The following LRRFIP2 variants were observed in gnomAD, a reference collection of about 807,000 sequenced individuals.
LRRFIP2 encodes the protein leucine-rich repeat flightless-interacting protein 2.
A neutral mutation model predicts 125.9 loss-of-function variants in LRRFIP2; 109 were observed. The ratio of observed to expected loss-of-function variants is 0.87; its 90% CI spans 0.74 to 1.01. LRRFIP2 has a LOEUF of 1.01. Among genes scored for constraint, LRRFIP2 ranks in the 50% least tolerant of loss-of-function variants. The pLI, the probability that LRRFIP2 is intolerant of heterozygous loss-of-function variation, is 0.00. For missense variants in LRRFIP2, 850 were observed against 862.3 expected, an observed-to-expected ratio of 0.99 and a Z score of 0.18; for synonymous variants, 291 against 293.1, an observed-to-expected ratio of 0.99 and a Z score of 0.07.
chr3:37,059,076 T>C (rs185145908), intron 24 of LRRFIP2, among the ~76,000 whole-genome samples, 166 bp from the exon 25 acceptor site: 1 of 152,300 alleles, frequency 6.6e-6, no homozygotes, highest in Non-Finnish European at 1.5e-5. Context: ...TCGTCCTAGG[T>C]GCTAAAGATA....
rs527305082 is a variant in LRRFIP2, at chr3:37,104,179, G to A, written c.784-1166C>T. The stretch of plus-strand genomic sequence containing the variant: ...TTAATATTTATTGGCACCTATTTGA[G>A]AATTTTGATAGGCATTTTCTATATA... On this transcript the variant is annotated intron_variant, in intron 14 of 27. Coordinates refer to ENST00000336686, the MANE Select transcript of LRRFIP2 (RefSeq NM_006309.4). Among the ~76,000 whole-genome samples, 6 of 152,188 alleles carry A rather than the reference G, an allele frequency of 3.9e-5. No homozygotes were observed. In the East Asian group the frequency reaches 9.6e-4, roughly 24 times the overall value.
intron 21 of LRRFIP2, among the ~76,000 whole-genome samples, chr3:37,070,597 G>T (rs1357337657): frequency 6.6e-6 from 1 of 151,896 alleles, no homozygotes; most frequent in Non-Finnish European, 1.5e-5. Flanking sequence ...TTAGCCGGAC[G>T]TGGTGGTGCA....
At chr3:37,172,775 C>T (rs901381144) in intron 1 of LRRFIP2, 3 of 152,178 alleles carry the variant, frequency 2.0e-5, no homozygotes, top group Non-Finnish European at 4.4e-5. Context: ...AGAAGTATAA[C>T]ACATGATCAA....
chr3:37,055,115 C>T lies in LRRFIP2; in HGVS notation c.1921G>A (p.Glu641Lys). The T allele has an allele frequency of 6.3e-7, 1 of 1,596,920 alleles. No individual in the cohort carries two copies. The highest frequency in any genetic ancestry group is 8.5e-7 in the Non-Finnish European group (1 of 1,174,260). The change falls in exon 26 of 28, where the codon GAA (glutamate) becomes AAA (lysine). Residue 641 changes from glutamate to lysine, a missense_variant. By Grantham distance (56) the Glu-to-Lys change is moderately conservative (BLOSUM62 1). Transcript: ENST00000336686. ...TGCTCCAAGGTAGTTATATCCTGTT[C>T]TGCTTTTGAAAGCTTAAATTTGTAT... ...SEYKFKLSKA[E>K]QDITTLEQSI...
chr3:37,173,474 A>G (rs1242686346), intron 1 of LRRFIP2, among the ~76,000 whole-genome samples: 1 of 152,170 alleles, frequency 6.6e-6, no homozygotes, highest in African/African-American at 2.4e-5. Flanking sequence ...AATGATGATC[A>G]CAGATTATAT....
At chr3:37,145,642 G>C (rs1039326100) in intron 2 of LRRFIP2, among the ~76,000 whole-genome samples, 3 of 152,174 alleles carry the variant, frequency 2.0e-5, no homozygotes, top group Non-Finnish European at 4.4e-5. Context: ...AACATGGCTA[G>C]TAATAATATC....
At chr3:37,059,436 T>G (rs532921418) in intron 24 of LRRFIP2, among the ~76,000 whole-genome samples, 2 of 152,320 alleles carry the variant, frequency 1.3e-5, no homozygotes, top group East Asian at 3.9e-4. Context: ...TGAGCAGTTT[T>G]TTGTTGTTTA....
rs906296343 is a variant in LRRFIP2, at chr3:37,112,958, T to C, written c.395A>G (p.His132Arg). ...SSLNHSYSHS[H>R]GMKKRSSDSH... ...ATCAGAAGACCTCTTCTTCATTCCA[T>C]GAGAGTGACTGTAAGAATGATTCTG... Residue 132 changes from histidine to arginine, a missense_variant, in exon 8 of 28, where the codon CAT (histidine) becomes CGT (arginine). Physicochemically the swap from His to Arg is conservative, Grantham distance 29. Coordinates refer to ENST00000336686, the MANE Select transcript of LRRFIP2 (RefSeq NM_006309.4). 8 of 1,581,214 alleles carry C rather than the reference T, an allele frequency of 5.1e-6. No homozygotes were observed. In the African/African-American group the frequency reaches 5.4e-5, roughly 11 times the overall value.
At chr3:37,125,173 C>G (rs2095230048) in intron 4 of LRRFIP2, among the ~76,000 whole-genome samples, 1 of 152,166 alleles carries the variant, frequency 6.6e-6, no homozygotes, top group African/African-American at 2.4e-5. Flanking sequence ...AAGAAAACCA[C>G]AGTCCCATGA....
intron 19 of LRRFIP2, among the ~76,000 whole-genome samples, chr3:37,079,734 T>G (rs543822006): frequency 6.6e-6 from 1 of 152,278 alleles, no homozygotes; most frequent in Admixed American, 6.5e-5. Context: ...AATGGAATAT[T>G]AATAGGCTAT....
intron 2 of LRRFIP2, among the ~76,000 whole-genome samples, chr3:37,138,122 G>A (rs1357497009): frequency 6.6e-6 from 1 of 152,296 alleles, no homozygotes; most frequent in African/African-American, 2.4e-5. Flanking sequence ...CCTGAAACAA[G>A]GAACAAGTGA....
chr3:37,080,130 T>C (rs1423425873), intron 19 of LRRFIP2, among the ~76,000 whole-genome samples: 1 of 152,192 alleles, frequency 6.6e-6, no homozygotes, highest in Admixed American at 6.5e-5. Flanking sequence ...CCAGGCGCAG[T>C]GGCTCACACC....
chr3:37,059,717 G>A (rs1384763659), intron 24 of LRRFIP2, among the ~76,000 whole-genome samples: 1 of 151,944 alleles, frequency 6.6e-6, no homozygotes, highest in African/African-American at 2.4e-5. Flanking sequence ...AACCTGGTAG[G>A]TGGAGGTTGC....
At chr3:37,082,156 A>C (rs2149033462) in intron 19 of LRRFIP2, among the ~76,000 whole-genome samples, 1 of 152,322 alleles carries the variant, frequency 6.6e-6, no homozygotes, top group East Asian at 1.9e-4. Context: ...ATAAGAAAAA[A>C]TGTGTGGGAC....
intron 2 of LRRFIP2, among the ~76,000 whole-genome samples, chr3:37,135,540 T>C (rs1441621332): frequency 6.6e-6 from 1 of 152,124 alleles, no homozygotes; most frequent in African/African-American, 2.4e-5. Context: ...ATACTTCCTT[T>C]ACCATCATAA....
At chr3:37,067,016 G>A (rs540921845) in intron 21 of LRRFIP2, 17 of 152,412 alleles carry the variant, frequency 1.1e-4, no homozygotes, top group African/African-American at 3.8e-4. Flanking sequence ...ATACAGCCAA[G>A]CTATGAAGAG....
At chr3:37,148,841 T>G (rs376726738) in intron 2 of LRRFIP2, 53 bp downstream of exon 2, 28 of 1,602,702 alleles carry the variant, frequency 1.7e-5, no homozygotes, top group African/African-American at 1.2e-4. Context: ...AAATCGGCAT[T>G]TTTACAATAC....
In LRRFIP2 at chr3:37,158,132, G is replaced by A. The variant is rs148438976; in HGVS notation, c.-55-9094C>T. Among the ~76,000 whole-genome samples, 21 of 152,310 alleles carry A rather than the reference G, an allele frequency of 1.4e-4. No homozygotes were observed. The East Asian group carries it at 4.0e-3, about 29-fold the overall frequency. The stretch of plus-strand genomic sequence containing the variant: ...AACTGTGCAGAACCCAAATTAGGAA[G>A]ATAGACTAAACAATTCACTTATCCG... On this transcript the variant is annotated intron_variant, in intron 1 of 27. Coordinates refer to ENST00000336686, the MANE Select transcript of LRRFIP2 (RefSeq NM_006309.4).
chr3:37,139,098 A>G (rs1329893606), intron 2 of LRRFIP2, among the ~76,000 whole-genome samples: 1 of 152,240 alleles, frequency 6.6e-6, no homozygotes, highest in African/African-American at 2.4e-5. Flanking sequence ...TGTCCTGTGC[A>G]GGATGATGTG....
Sources: allele counts gnomAD v4.1 joint callset (sites outside exome capture counted in the v4.1 genomes callset), GRCh38; gene constraint gnomAD v4.1.1; transcripts MANE v1.5; gene names NCBI Gene and HGNC (gene_info 2026-07-23, HGNC 2026-07-21).